HHAT: variants seen among roughly 807,000 people sequenced by gnomAD.
HHAT encodes the protein protein-cysteine N-palmitoyltransferase HHAT.
HHAT carries 47 observed loss-of-function variants against 70.8 expected under a neutral mutation model. The observed-to-expected ratio is 0.66, with a 90% CI of 0.53 to 0.85. The LOEUF (loss-of-function observed/expected upper bound fraction) is 0.85, where lower values mean the gene tolerates loss of function less well. Among genes scored for constraint, HHAT ranks in the 40% least tolerant of loss-of-function variants. The pLI is 0.00. For missense variants in HHAT, 609 were observed against 604.8 expected (o/e 1.01, Z -0.07); for synonymous variants, 228 against 247.6 (o/e 0.92, Z 0.74).
intron 11 of HHAT, among the ~76,000 whole-genome samples, chr1:210,668,500 G>A (rs996612993): frequency 3.3e-5 from 5 of 152,150 alleles, no homozygotes; most frequent in South Asian, 2.1e-4. Context: ...CAGTTCCCCC[G>A]CACATGCTCT....
intron 2 of HHAT, among the ~76,000 whole-genome samples, chr1:210,356,082 A>G (rs1287210634): frequency 7.0e-6 from 1 of 143,186 alleles, no homozygotes; most frequent in African/African-American, 2.5e-5. Context: ...ACACTTGCAC[A>G]CTTGCTTGGC....
chr1:210,651,012 A>G (rs1675017386), intron 11 of HHAT, among the ~76,000 whole-genome samples: 1 of 152,222 alleles, frequency 6.6e-6, no homozygotes, highest in Non-Finnish European at 1.5e-5. Context: ...GCCAGGAGCC[A>G]CACAATCTCA....
chr1:210,381,405 C>T (rs1315280417), intron 3 of HHAT, among the ~76,000 whole-genome samples: 1 of 152,060 alleles, frequency 6.6e-6, no homozygotes, highest in African/African-American at 2.4e-5. Context: ...CTCAGCCTCC[C>T]GAGTAGCTGA....
chr1:210,562,352 A>G (rs922883551), intron 9 of HHAT, among the ~76,000 whole-genome samples: 20 of 137,284 alleles, frequency 1.5e-4, no homozygotes, highest in African/African-American at 5.1e-4. Flanking sequence ...TGAAGAAAAG[A>G]GTATTTACCA....
At chr1:210,594,837 T>G (rs1662562932) in intron 10 of HHAT, among the ~76,000 whole-genome samples, 1 of 152,192 alleles carries the variant, frequency 6.6e-6, no homozygotes, top group African/African-American at 2.4e-5. Context: ...AAAGTTTTTT[T>G]CCTTCAGCAC....
chr1:210,359,389 A>G (rs916239594), intron 2 of HHAT, among the ~76,000 whole-genome samples: 107 of 152,294 alleles, frequency 7.0e-4, no homozygotes, highest in Non-Finnish European at 9.1e-4. Flanking sequence ...AACCATCCCA[A>G]TTGCTCCTAG....
intron 1 of HHAT, among the ~76,000 whole-genome samples, chr1:210,331,182 C>T (rs1461223722): frequency 6.6e-6 from 1 of 152,112 alleles, no homozygotes; most frequent in Non-Finnish European, 1.5e-5. Context: ...AATATGAATA[C>T]AACTCACCAT....
intron 8 of HHAT, among the ~76,000 whole-genome samples, chr1:210,495,510 G>A (rs934939593): frequency 1.3e-5 from 2 of 152,088 alleles, no homozygotes; most frequent in Non-Finnish European, 2.9e-5. Context: ...GTTATTGCAA[G>A]AATCAATTGA....
In HHAT at chr1:210,601,248, A is replaced by C. The variant is rs542119438; in HGVS notation, c.1245+13149A>C. 2.6e-5 allele frequency among the ~76,000 whole-genome samples: 4 copies of C among 152,330 alleles called. No homozygotes were observed. In the East Asian group the frequency reaches 5.8e-4, roughly 22 times the overall value. On this transcript the variant is annotated intron_variant, in intron 10 of 11. Coordinates refer to ENST00000261458, the MANE Select transcript of HHAT (RefSeq NM_018194.6). ...GATTGTAAATTGATCAACGTGATCC[A>C]AACTATGGTTATTTGATTCTATGGA... is the stretch of plus-strand genomic sequence containing the variant.
At position 210,459,731 on chromosome 1, in the gene HHAT, C is replaced by T. The variant is rs558407912; in HGVS notation, c.857-4774C>T. Among the ~76,000 whole-genome samples, 5 of 152,342 alleles carry T rather than the reference C, an allele frequency of 3.3e-5. No homozygotes were observed. The East Asian group carries it at 9.6e-4, about 29-fold the overall frequency. On this transcript the variant is annotated intron_variant, in intron 7 of 11. Coordinates refer to ENST00000261458, the MANE Select transcript of HHAT (RefSeq NM_018194.6). Reference sequence around the variant, plus strand: ...CAGTTCTGAGCTCCCTCACCCTGTTCTACAGTTTTGCTTTTTCCATTGCAT... The same window carrying T: ...CAGTTCTGAGCTCCCTCACCCTGTTTTACAGTTTTGCTTTTTCCATTGCAT...
chr1:210,410,391 A>G (rs1409135024), intron 6 of HHAT, among the ~76,000 whole-genome samples: 1 of 150,706 alleles, frequency 6.6e-6, no homozygotes, highest in African/African-American at 2.4e-5. Flanking sequence ...ACTAGATTGC[A>G]GATGTAAATG....
At chr1:210,440,614 C>G (rs1286201914) in intron 7 of HHAT, among the ~76,000 whole-genome samples, 2 of 151,794 alleles carry the variant, frequency 1.3e-5, no homozygotes, top group African/African-American at 4.9e-5. Flanking sequence ...CTAGTATTCC[C>G]CATAATAGTG....
At chr1:210,473,458 G>C (rs1299273676) in intron 8 of HHAT, among the ~76,000 whole-genome samples, 1 of 152,092 alleles carries the variant, frequency 6.6e-6, no homozygotes, top group Admixed American at 6.5e-5. Flanking sequence ...GGGGGGCTCA[G>C]AGTTTTGTTT....
At chr1:210,635,931 G>T (rs564000947) in intron 11 of HHAT, among the ~76,000 whole-genome samples, 27 of 152,154 alleles carry the variant, frequency 1.8e-4, no homozygotes, top group Middle Eastern at 3.4e-3. Flanking sequence ...TGGAAGGGGG[G>T]TGCCTTTTAT....
intron 10 of HHAT, chr1:210,589,945 A>G (rs1033674600): frequency 6.6e-6 from 1 of 152,166 alleles, no homozygotes; most frequent in Non-Finnish European, 1.5e-5. Context: ...TGCAAGTATG[A>G]TGTTTGGCTT....
At position 210,362,847 on chromosome 1, in the gene HHAT, G is replaced by A. The variant is rs76072802; in HGVS notation, c.92-5G>A. 10 of 1,598,526 alleles carry A rather than the reference G, an allele frequency of 6.3e-6. 1 individual carries two copies. The Admixed American group carries it at 1.6e-4, about 25-fold the overall frequency. ...GACTAACGAAGACTTTTTTTTTTTG[G>A]TCAGAACACGAAGAGGAGCTGGACC... On this transcript the variant is annotated splice_region_variant and splice_polypyrimidine_tract_variant and intron_variant, in intron 2 of 11. Coordinates refer to ENST00000261458, the MANE Select transcript of HHAT (RefSeq NM_018194.6).
At chr1:210,368,288 A>T (rs575626726) in intron 3 of HHAT, among the ~76,000 whole-genome samples, 11 of 152,222 alleles carry the variant, frequency 7.2e-5, no homozygotes, top group African/African-American at 2.4e-4. Context: ...ACATCTGAGA[A>T]AATAATTTGC....
At chr1:210,347,859 GGAAA>G (rs2086657421) in intron 1 of HHAT, among the ~76,000 whole-genome samples, 1 of 152,186 alleles carries the variant, frequency 6.6e-6, no homozygotes, top group South Asian at 2.1e-4. Context: ...GGAAAGGGAG[GGAAA>G]GAAAGAGATG....
At chr1:210,388,430 C>T (rs1396652619) in intron 4 of HHAT, among the ~76,000 whole-genome samples, 3 of 152,120 alleles carry the variant, frequency 2.0e-5, no homozygotes, top group Non-Finnish European at 4.4e-5. Flanking sequence ...GTTAGAGATG[C>T]GCACCTAACT....
Sources: allele counts gnomAD v4.1 joint callset (sites outside exome capture counted in the v4.1 genomes callset), GRCh38; gene constraint gnomAD v4.1.1; transcripts MANE v1.5; gene names NCBI Gene and HGNC (gene_info 2026-07-23, HGNC 2026-07-21).